OSBPL10: variants seen among roughly 807,000 people sequenced by gnomAD.
The protein encoded by OSBPL10 is oxysterol binding protein like 10.
A neutral mutation model predicts 81.7 loss-of-function variants in OSBPL10; 49 were observed. The observed-to-expected ratio is 0.60, with a 90% CI of 0.48 to 0.76. The LOEUF (loss-of-function observed/expected upper bound fraction) is 0.76, where lower values mean the gene tolerates loss of function less well. Among genes scored for constraint, OSBPL10 ranks in the 30% least tolerant of loss-of-function variants. The pLI is 0.00. For missense variants in OSBPL10, 923 were observed against 987.8 expected, an observed-to-expected ratio of 0.93 and a Z score of 0.88; for synonymous variants, 419 against 383.6, an observed-to-expected ratio of 1.09 and a Z score of -1.08.
At chr3:31,677,997 C>T (rs531006254) in intron 8 of OSBPL10, among the ~76,000 whole-genome samples, 1 of 146,144 alleles carries the variant, frequency 6.8e-6, no homozygotes, top group Non-Finnish European at 1.5e-5. Flanking sequence ...AGGAGAATGG[C>T]GTGAACCCAG....
chr3:31,809,664 T>C (rs1161480532), intron 4 of OSBPL10, among the ~76,000 whole-genome samples: 5 of 152,186 alleles, frequency 3.3e-5, no homozygotes, highest in Middle Eastern at 3.2e-3. Context: ...CACTAAAGTA[T>C]ATTCTAATGT....
At chr3:32,008,039 C>A (rs147157825) in intron 2 of OSBPL10, among the ~76,000 whole-genome samples, 299 of 152,070 alleles carry the variant, frequency 2.0e-3, no homozygotes, top group African/African-American at 6.7e-3. Flanking sequence ...AAGATCATTT[C>A]TTTAAATAGG....
chr3:31,769,209 G>A (rs898731873), intron 4 of OSBPL10, among the ~76,000 whole-genome samples: 4 of 152,120 alleles, frequency 2.6e-5, no homozygotes, highest in South Asian at 2.1e-4. Flanking sequence ...TTGGGAGGCC[G>A]AGGCGGGCAG....
chr3:32,055,410 G>A (rs1034993626), intron 1 of OSBPL10, among the ~76,000 whole-genome samples: 11 of 151,582 alleles, frequency 7.3e-5, no homozygotes, highest in Admixed American at 5.3e-4. Context: ...CACCATGTTG[G>A]CCAGGCTGGT....
At chr3:31,665,289 G>A (rs1183555569) in intron 10 of OSBPL10, among the ~76,000 whole-genome samples, 2 of 152,172 alleles carry the variant, frequency 1.3e-5, no homozygotes, top group Non-Finnish European at 2.9e-5. Context: ...TCAGAAGGTC[G>A]GATTTCACAG....
rs111571610 is a variant in OSBPL10, at chr3:31,909,942, C to T, written c.282-30112G>A. 4.7e-3 allele frequency among the ~76,000 whole-genome samples: 712 copies of T among 150,972 alleles called. 2 individuals are homozygous for T. The highest frequency in any genetic ancestry group is 0.017 in the African/African-American group (685 of 41,030). ...AGCACCAAGAGGCTGGCTACACTGG[C>T]GCTGTGTAAGACAATCATTTTGCAT... On this transcript the variant is annotated intron_variant, in intron 1 of 11. Coordinates refer to ENST00000396556, the MANE Select transcript of OSBPL10 (RefSeq NM_017784.5).
intron 1 of OSBPL10, among the ~76,000 whole-genome samples, chr3:31,906,641 T>C (rs899805810): frequency 2.0e-5 from 3 of 152,216 alleles, no homozygotes; most frequent in Non-Finnish European, 2.9e-5. Flanking sequence ...TCCATGTTGA[T>C]GAATTAATCT....
intron 2 of OSBPL10, among the ~76,000 whole-genome samples, chr3:32,035,150 A>G (rs551560664): frequency 1.3e-5 from 2 of 152,332 alleles, no homozygotes; most frequent in South Asian, 2.1e-4. Flanking sequence ...TGTACTTCAT[A>G]GAGGAGTCTG....
chr3:31,677,118 G>A (rs1700499558), intron 8 of OSBPL10, among the ~76,000 whole-genome samples: 1 of 152,114 alleles, frequency 6.6e-6, no homozygotes, highest in Non-Finnish European at 1.5e-5. Context: ...GATGGAAAAA[G>A]CATTATTTAC....
intron 1 of OSBPL10, among the ~76,000 whole-genome samples, chr3:32,050,155 A>G (rs2125431974): frequency 6.6e-6 from 1 of 152,320 alleles, no homozygotes; most frequent in African/African-American, 2.4e-5. Flanking sequence ...GATCTTCGCC[A>G]TCTGGAGGAC....
intron 1 of OSBPL10, among the ~76,000 whole-genome samples, chr3:31,965,263 G>A (rs889689625): frequency 2.0e-5 from 3 of 149,560 alleles, no homozygotes; most frequent in East Asian, 2.0e-4. Flanking sequence ...CCAGCTACTC[G>A]GGAAGCTAAG....
In OSBPL10 at chr3:31,774,752, G is replaced by A. The variant is rs1025645888; in HGVS notation, c.730-26632C>T. Among the ~76,000 whole-genome samples, 48 of 151,064 alleles carry A rather than the reference G, an allele frequency of 3.2e-4. 1 individual carries two copies. The highest frequency in any genetic ancestry group is 6.1e-4 in the Non-Finnish European group (41 of 67,732). On this transcript the variant is annotated intron_variant, in intron 4 of 11. Coordinates refer to ENST00000396556, the MANE Select transcript of OSBPL10 (RefSeq NM_017784.5). Reference sequence around the variant, plus strand: ...GGTCTCGCACTCCTGACCTCATGATGGGACCGCCTCAGCCTCCCAAAGTGC... The same window carrying A: ...GGTCTCGCACTCCTGACCTCATGATAGGACCGCCTCAGCCTCCCAAAGTGC...
At chr3:31,697,245 G>A (rs1695749953) in intron 7 of OSBPL10, among the ~76,000 whole-genome samples, 1 of 152,204 alleles carries the variant, frequency 6.6e-6, no homozygotes, top group Non-Finnish European at 1.5e-5. Context: ...AACACACGGA[G>A]AGGGAAAGGT....
chr3:31,923,036 C>T (rs372665566), intron 1 of OSBPL10, among the ~76,000 whole-genome samples: 4 of 152,274 alleles, frequency 2.6e-5, no homozygotes, highest in East Asian at 3.9e-4. Context: ...AAAGAAAACG[C>T]TCATCTGAAC....
chr3:31,939,923 G>A (rs1697488578), intron 1 of OSBPL10, among the ~76,000 whole-genome samples: 1 of 152,034 alleles, frequency 6.6e-6, no homozygotes, highest in Non-Finnish European at 1.5e-5. Context: ...GTCTCACCAT[G>A]TTGTTCAGGC....
intron 1 of OSBPL10, among the ~76,000 whole-genome samples, chr3:31,881,057 G>C (rs953836554): frequency 6.6e-6 from 1 of 152,164 alleles, no homozygotes; most frequent in African/African-American, 2.4e-5. Flanking sequence ...ACCCCTTCTT[G>C]CCGTGTCAAG....
chr3:31,901,143 C>T (rs964276406), intron 1 of OSBPL10, among the ~76,000 whole-genome samples: 12 of 152,332 alleles, frequency 7.9e-5, no homozygotes, highest in African/African-American at 2.9e-4. Context: ...ATCCTGTAGT[C>T]AAAGCATAAA....
At chr3:31,689,089 A>C (rs1700874209) in intron 7 of OSBPL10, among the ~76,000 whole-genome samples, 1 of 152,164 alleles carries the variant, frequency 6.6e-6, no homozygotes, top group African/African-American at 2.4e-5. Flanking sequence ...TTACTGCCCA[A>C]ATTGTTTAGT....
At chr3:31,717,761 A>C (rs530408915) in intron 6 of OSBPL10, among the ~76,000 whole-genome samples, 1 of 152,328 alleles carries the variant, frequency 6.6e-6, no homozygotes, top group East Asian at 1.9e-4. Context: ...TAAGAGGGTA[A>C]TTGCAGCAAT....
Sources: allele counts gnomAD v4.1 joint callset (sites outside exome capture counted in the v4.1 genomes callset), GRCh38; gene constraint gnomAD v4.1.1; transcripts MANE v1.5; gene names NCBI Gene and HGNC (gene_info 2026-07-23, HGNC 2026-07-21).